OPCML: variants seen among roughly 807,000 people sequenced by gnomAD.
OPCML encodes the protein opioid-binding protein/cell adhesion molecule.
In OPCML, 13 loss-of-function variants were observed where a neutral mutation model predicts 37.8. The ratio of observed to expected loss-of-function variants is 0.34; its 90% CI spans 0.22 to 0.55. The LOEUF (loss-of-function observed/expected upper bound fraction) is 0.55. Among genes scored for constraint, OPCML ranks in the 20% least tolerant of loss-of-function variants. The pLI, the probability that OPCML is intolerant of heterozygous loss-of-function variation, is 0.91. For missense variants in OPCML, 341 were observed against 435.6 expected (o/e 0.78, Z 1.93); for synonymous variants, 176 against 168.8 (o/e 1.04, Z -0.33).
At chr11:132,518,580 C>A (rs2096285361) in intron 4 of OPCML, among the ~76,000 whole-genome samples, 2 of 152,212 alleles carry the variant, frequency 1.3e-5, no homozygotes, top group Non-Finnish European at 2.9e-5. Context: ...TCAGCCCAGC[C>A]TCAATACATG....
intron 2 of OPCML, among the ~76,000 whole-genome samples, chr11:132,874,746 G>A (rs1459164183): frequency 1.4e-4 from 21 of 152,124 alleles, no homozygotes; most frequent in Admixed American, 1.2e-3. Flanking sequence ...CGGACTGCAC[G>A]GACGGTCTGT....
At chr11:133,334,940 G>A (rs150103270) in intron 1 of OPCML, among the ~76,000 whole-genome samples, 316 of 152,298 alleles carry the variant, frequency 2.1e-3, no homozygotes, top group Admixed American at 3.9e-3. Flanking sequence ...CTACTGGTGC[G>A]CTCCATGGAA....
At chr11:132,840,217 G>T (rs1941229058) in intron 2 of OPCML, among the ~76,000 whole-genome samples, 1 of 152,092 alleles carries the variant, frequency 6.6e-6, no homozygotes, top group Non-Finnish European at 1.5e-5. Context: ...GTGTAGGGTT[G>T]GCCTCCCCTG....
intron 4 of OPCML, among the ~76,000 whole-genome samples, chr11:132,456,408 A>C (rs2136882216): frequency 6.6e-6 from 1 of 152,336 alleles, no homozygotes; most frequent in South Asian, 2.1e-4. Context: ...TTTTAAATTT[A>C]GTTTTAGTTA....
At chr11:132,808,200 C>T (rs1225039597) in intron 2 of OPCML, among the ~76,000 whole-genome samples, 1 of 152,220 alleles carries the variant, frequency 6.6e-6, no homozygotes, top group Non-Finnish European at 1.5e-5. Context: ...GGTAGGCCAA[C>T]ATGTCCACAT....
chr11:133,468,421 G>A (rs908997783), intron 1 of OPCML, among the ~76,000 whole-genome samples: 9 of 152,176 alleles, frequency 5.9e-5, no homozygotes, highest in African/African-American at 1.9e-4. Context: ...GACCTTCCTG[G>A]AATGGCCCAG....
intron 1 of OPCML, chr11:133,005,785 C>T (rs1209357039): frequency 8.1e-6 from 8 of 984,588 alleles, no homozygotes; most frequent in Non-Finnish European, 9.6e-6. Flanking sequence ...TTATGAACTC[C>T]TTCAATTAGG....
chr11:133,378,759 G>A (rs1944868727), intron 1 of OPCML, among the ~76,000 whole-genome samples: 1 of 146,338 alleles, frequency 6.8e-6, no homozygotes, highest in Non-Finnish European at 1.5e-5. Flanking sequence ...TGGAGATAAA[G>A]TCTCACTCTG....
At chr11:132,713,045 T>C (rs1036851962) in intron 2 of OPCML, among the ~76,000 whole-genome samples, 10 of 152,030 alleles carry the variant, frequency 6.6e-5, no homozygotes, top group Admixed American at 5.9e-4. Context: ...GCCTGCTTTT[T>C]CCCCCTCATA....
chr11:133,308,859 A>G (rs1942999170), intron 1 of OPCML, among the ~76,000 whole-genome samples: 1 of 152,276 alleles, frequency 6.6e-6, no homozygotes, highest in South Asian at 2.1e-4. Context: ...AAAACACCAA[A>G]GAGCCAACTT....
chr11:132,437,533 A>G (rs945563453), intron 4 of OPCML, 174 bp from the exon 5 acceptor site: 14 of 952,094 alleles, frequency 1.5e-5, no homozygotes, highest in Non-Finnish European at 1.8e-5. Flanking sequence ...GCAAAGGAAG[A>G]AAGAAATTCT....
intron 1 of OPCML, among the ~76,000 whole-genome samples, chr11:132,997,436 T>G (rs1309461994): frequency 6.6e-6 from 1 of 152,248 alleles, no homozygotes; most frequent in African/African-American, 2.4e-5. Context: ...AGTGAGCTGA[T>G]GCCCTGTCAT....
intron 4 of OPCML, among the ~76,000 whole-genome samples, chr11:132,485,588 T>C (rs530876418): frequency 1.8e-4 from 27 of 152,322 alleles, no homozygotes; most frequent in African/African-American, 6.3e-4. Flanking sequence ...CACTGATCAA[T>C]TTCTCCTACT....
intron 2 of OPCML, among the ~76,000 whole-genome samples, chr11:132,835,719 G>C (rs535421687): frequency 6.6e-6 from 1 of 152,284 alleles, no homozygotes; most frequent in African/African-American, 2.4e-5. Context: ...CCTTGCTTTT[G>C]ATGGCCACAT....
At chr11:133,230,384 G>A (rs914252070) in intron 1 of OPCML, among the ~76,000 whole-genome samples, 1 of 150,994 alleles carries the variant, frequency 6.6e-6, no homozygotes, top group Non-Finnish European at 1.5e-5. Context: ...TATGGTCAAG[G>A]CGAGGTGCTG....
rs559065800 is a variant in OPCML at position 133,458,649 on chromosome 11, G to A, written c.61+73615C>T. 7.9e-4 allele frequency among the ~76,000 whole-genome samples: 91 copies of A among 115,336 alleles called. 2 individuals carry two copies. In the South Asian group the frequency reaches 0.016, roughly 21 times the overall value. 75.7% of individuals were successfully genotyped at this position (115,336 alleles called of 152,430 possible). On this transcript the variant is annotated intron_variant, in intron 1 of 7. Transcript: ENST00000524381. Reference sequence around the variant, plus strand: ...CGTGTGTGTGTATATACACATAGATGCACGTGTGTGTGTATATATACACAT... The same window carrying A: ...CGTGTGTGTGTATATACACATAGATACACGTGTGTGTGTATATATACACAT...
At position 132,712,942 on chromosome 11, in the gene OPCML, C is replaced by T. The variant is rs1944326583; in HGVS notation, c.147-55623G>A. ...CTTCATCACTGGAGCAGGCGATGCTCAGGCCTCTGTAGCAGTGGGCTGCGT... is the reference window on the plus strand; with the variant it reads ...CTTCATCACTGGAGCAGGCGATGCTTAGGCCTCTGTAGCAGTGGGCTGCGT... On this transcript the variant is annotated intron_variant, in intron 2 of 7. Transcript: ENST00000524381. Among the ~76,000 whole-genome samples the T allele has an allele frequency of 2.6e-5, 4 of 152,228 alleles. No homozygotes were observed. The South Asian group carries it at 8.3e-4, about 32-fold the overall frequency.
At chr11:133,522,097 T>C (rs535736586) in intron 1 of OPCML, among the ~76,000 whole-genome samples, 61 of 152,200 alleles carry the variant, frequency 4.0e-4, no homozygotes, top group African/African-American at 1.4e-3. Flanking sequence ...ACCTAGTGCA[T>C]TTGGCTCTTT....
At chr11:133,159,691 G>T (rs1364343149) in intron 1 of OPCML, among the ~76,000 whole-genome samples, 1 of 152,236 alleles carries the variant, frequency 6.6e-6, no homozygotes, top group African/African-American at 2.4e-5. Flanking sequence ...TATAATGGAA[G>T]GCAGGGCTCT....
Sources: allele counts gnomAD v4.1 joint callset (sites outside exome capture counted in the v4.1 genomes callset), GRCh38; gene constraint gnomAD v4.1.1; transcripts MANE v1.5; gene names NCBI Gene and HGNC (gene_info 2026-07-23, HGNC 2026-07-21).